The following ATP5PF variants were observed in gnomAD, a reference collection of about 807,000 sequenced individuals.
The protein encoded by ATP5PF is ATP synthase peripheral stalk subunit F6.
Under a neutral mutation model 12.0 loss-of-function variants are expected in ATP5PF, and 7 were observed. That is an observed-to-expected ratio of 0.58 (90% CI 0.33 to 1.10). The LOEUF (loss-of-function observed/expected upper bound fraction) is 1.10, where lower values mean the gene tolerates loss of function less well. Among genes scored for constraint, ATP5PF ranks in the 50% least tolerant of loss-of-function variants. The pLI is 0.03. For missense variants in ATP5PF, 120 were observed against 127.7 expected, an observed-to-expected ratio of 0.94 and a Z score of 0.29; for synonymous variants, 41 against 45.4, an observed-to-expected ratio of 0.90 and a Z score of 0.39.
rs182090006 is a variant in ATP5PF, at chr21:25,728,948, A to G, written c.164+683T>C. 1.6e-3 allele frequency among the ~76,000 whole-genome samples: 250 copies of G among 152,356 alleles called. 1 individual carries two copies. Among genetic ancestry groups the G allele is most frequent in the Middle Eastern group, 0.01 (3 of 294 alleles). On this transcript the variant is annotated intron_variant, in intron 2 of 3. Transcript: ENST00000284971. ...AGTGCTTTACACACAGTAGACAACT[A>G]TATGAAAGAAAATGGAACTATGAAT...
At chr21:25,729,226 T>C (rs1601086830) in intron 2 of ATP5PF, among the ~76,000 whole-genome samples, 2 of 152,356 alleles carry the variant, frequency 1.3e-5, no homozygotes, top group East Asian at 3.9e-4. Flanking sequence ...GAGGCTAAAA[T>C]ATACTTTGAT....
upstream of ATP5PF, chr21:25,735,095 A>C: frequency 3.6e-6 from 3 of 830,336 alleles, no homozygotes; most frequent in Non-Finnish European, 6.0e-6. Context: ...GTCCCCTGGC[A>C]CAGCCTCCGC....
chr21:25,734,673 C>T, intron 1 of ATP5PF, 180 bp downstream of exon 1: 1 of 594,582 alleles, frequency 1.7e-6, no homozygotes, highest in Non-Finnish European at 2.7e-6. Context: ...GGGTCTACGG[C>T]AAACTCCAAG....
At chr21:25,734,723 C>A (rs71649637) in intron 1 of ATP5PF, 130 bp downstream of exon 1, 2 of 927,104 alleles carry the variant, frequency 2.2e-6, no homozygotes, top group Non-Finnish European at 1.6e-6. Flanking sequence ...CCGGGCCAGG[C>A]CGTGAAGGTC....
chr21:25,731,987 T>C (rs763667909), intron 1 of ATP5PF, among the ~76,000 whole-genome samples: 5 of 152,216 alleles, frequency 3.3e-5, no homozygotes, highest in Non-Finnish European at 7.3e-5. Context: ...TCTTTTGTAA[T>C]TCATTTTCAC....
chr21:25,726,042 C>T (rs769910596), intron 2 of ATP5PF, among the ~76,000 whole-genome samples: 1 of 152,144 alleles, frequency 6.6e-6, no homozygotes, highest in Non-Finnish European at 1.5e-5. Flanking sequence ...GAGTAAGGCA[C>T]AGAGCACTCT....
chr21:25,729,458 TA>T (rs1406064810), intron 2 of ATP5PF, among the ~76,000 whole-genome samples, 172 bp downstream of exon 2: 1 of 152,158 alleles, frequency 6.6e-6, no homozygotes, highest in African/African-American at 2.4e-5. Flanking sequence ...GTTTCTGACT[TA>T]AAAAAATCAA....
chr21:25,729,839 T>G, intron 1 of ATP5PF, 38 bp from the exon 2 acceptor site: 1 of 1,587,458 alleles, frequency 6.3e-7, no homozygotes, highest in Non-Finnish European at 8.6e-7. Context: ...GTTAATATAC[T>G]TATTATAAAT....
chr21:25,733,897 T>C (rs138519280), intron 1 of ATP5PF, among the ~76,000 whole-genome samples: 42 of 152,348 alleles, frequency 2.8e-4, no homozygotes, highest in Middle Eastern at 6.8e-3. Flanking sequence ...ACTTTCATTG[T>C]TTCAATTATC....
At chr21:25,733,896 G>C (rs1365448937) in intron 1 of ATP5PF, among the ~76,000 whole-genome samples, 1 of 152,168 alleles carries the variant, frequency 6.6e-6, no homozygotes, top group East Asian at 1.9e-4. Flanking sequence ...CACTTTCATT[G>C]TTTCAATTAT....
At chr21:25,724,784 C>A in intron 3 of ATP5PF, 107 bp from the exon 4 acceptor site, 1 of 1,137,250 alleles carries the variant, frequency 8.8e-7, no homozygotes, top group Non-Finnish European at 1.3e-6. Context: ...TTTTAGTAAA[C>A]ACTGTTTGTA....
chr21:25,730,378 C>T (rs1315959258), intron 1 of ATP5PF, among the ~76,000 whole-genome samples: 5 of 152,060 alleles, frequency 3.3e-5, no homozygotes, highest in Admixed American at 6.6e-5. Flanking sequence ...GGGGAGGATC[C>T]GGCAGTCCAA....
Position 25,729,740 on chromosome 21 carries a change from C to T in ATP5PF, c.55G>A (p.Val19Ile). Reference protein sequence around the residue: ...FSSVIRSAVSVHLRRNIGVTA... With the variant: ...FSSVIRSAVSIHLRRNIGVTA... ...ACACCAATGTTCCTCCGCAAATGGACTGAGACGGCTGACCGAATGACAGAG... is the reference window on the plus strand; with the variant it reads ...ACACCAATGTTCCTCCGCAAATGGATTGAGACGGCTGACCGAATGACAGAG... Residue 19 changes from valine (V) to isoleucine (I), a missense_variant, in exon 2 of 4, where the codon GTC (valine) becomes ATC (isoleucine). By Grantham distance (29) the Val-to-Ile change is conservative. Transcript: ENST00000284971. 6.2e-7 allele frequency: 1 copy of T among 1,613,930 alleles called. No homozygotes were observed. The highest frequency in any genetic ancestry group is 8.5e-7 in the Non-Finnish European group (1 of 1,180,016).
At chr21:25,733,526 CA>C (rs1408831370) in intron 1 of ATP5PF, among the ~76,000 whole-genome samples, 1 of 144,688 alleles carries the variant, frequency 6.9e-6, no homozygotes, top group East Asian at 2.0e-4. Flanking sequence ...GACTCTGTCT[CA>C]AAAAAAAAGT....
chr21:25,734,347 T>C, intron 1 of ATP5PF: 2 of 986,574 alleles, frequency 2.0e-6, no homozygotes, highest in Non-Finnish European at 2.4e-6. Flanking sequence ...CAAAGGTTAG[T>C]AGGTTCGCTG....
chr21:25,734,465 T>C (rs1052596570), intron 1 of ATP5PF: 1 of 829,974 alleles, frequency 1.2e-6, no homozygotes, highest in Non-Finnish European at 1.5e-6. Flanking sequence ...ACTAATTTTT[T>C]CCCTCTTAAT....
Position 25,730,736 on chromosome 21 carries a change from C to CACAAAAAAAAAAAA in ATP5PF, c.-7-936_-7-935insTTTTTTTTTTTTGT, listed in dbSNP as rs1219090743. On this transcript the variant is annotated intron_variant, in intron 1 of 3. Coordinates refer to ENST00000284971, the MANE Select transcript of ATP5PF (RefSeq NM_001003703.2). The stretch of plus-strand genomic sequence containing the variant: ...GCAACAAGAGCAAGACTCCGTCTCA[C>CACAAAAAAAAAAAA]AAAAAAAAAAAAAAAAAAAAAAAAA... 1.3e-3 allele frequency among the ~76,000 whole-genome samples: 41 copies of CACAAAAAAAAAAAA among 31,896 alleles called. 6 individuals carry two copies. The highest frequency in any genetic ancestry group is 1.9e-3 in the Non-Finnish European group (27 of 14,384). The allele number at this position is 31,896 out of a possible 152,430, so 20.9% of individuals were successfully genotyped here. A position where few individuals can be genotyped will look rare whatever the true frequency, so the allele number is the denominator to read the frequency against.
chr21:25,729,861 A>G (rs2034713817), intron 1 of ATP5PF, 60 bp from the exon 2 acceptor site: 1 of 1,514,424 alleles, frequency 6.6e-7, no homozygotes, highest in Non-Finnish European at 8.9e-7. Context: ...ACCTCTAAAT[A>G]TATCATGAGA....
intron 1 of ATP5PF, among the ~76,000 whole-genome samples, chr21:25,730,064 G>A (rs1187125598): frequency 8.5e-5 from 13 of 152,172 alleles, no homozygotes; most frequent in Non-Finnish European, 1.8e-4. Context: ...GTGAGGTGAG[G>A]TATTTCTTCC....
Sources: gnomAD v4.1 joint callset for allele counts (sites outside exome capture counted in the v4.1 genomes callset) on GRCh38, gnomAD v4.1.1 for gene constraint, MANE v1.5 for transcripts, NCBI Gene and HGNC (gene_info 2026-07-23, HGNC 2026-07-21) for gene names.